The following EPHB2 variants were observed in gnomAD, a reference collection of about 807,000 sequenced individuals.
EPHB2 encodes the protein ephrin type-B receptor 2.
EPHB2 carries 18 observed loss-of-function variants against 96.4 expected under a neutral mutation model. The observed-to-expected ratio is 0.19, with a 90% CI of 0.13 to 0.28. The LOEUF is 0.28. Ranked by LOEUF, EPHB2 falls within the 10% of genes least tolerant of loss-of-function variation. The pLI is 1.00. For synonymous variants in EPHB2, 506 were observed against 534.1 expected, an observed-to-expected ratio of 0.95 and a Z score of 0.72; for missense variants, 989 against 1,355.4, an observed-to-expected ratio of 0.73 and a Z score of 4.25.
At chr1:22,720,665 C>CCCCCG (rs1553157979) in intron 1 of EPHB2, among the ~76,000 whole-genome samples, 1 of 102,102 alleles carries the variant, frequency 9.8e-6, no homozygotes, top group East Asian at 4.5e-4. Flanking sequence ...CTCATTCCCC[C>CCCCCG]CCCCCCCCGC....
At chr1:22,869,536 C>T (rs1638590203) in intron 5 of EPHB2, among the ~76,000 whole-genome samples, 2 of 151,832 alleles carry the variant, frequency 1.3e-5, no homozygotes, top group African/African-American at 2.4e-5. Context: ...GGCATTTGAG[C>T]TTGACTTTGA....
rs1169838192 is a variant in EPHB2, at chr1:22,860,426, T to C, written c.812-2611T>C. On this transcript the variant is annotated intron_variant, in intron 3 of 15. Transcript: ENST00000374630. This position sits in a 1 kb window ranked among gnomAD's most constrained non-coding sequence, Gnocchi z 4.6. ...TGCCATAGATACAGAAATGATACAG[T>C]GCCCGGTGGTGGGGGTCGAACCTGG... Among the ~76,000 whole-genome samples, 1 of 151,912 alleles carries C rather than the reference T, an allele frequency of 6.6e-6. No individual in the cohort carries two copies. Among genetic ancestry groups the C allele is most frequent in the Non-Finnish European group, 1.5e-5 (1 of 67,978 alleles).
intron 1 of EPHB2, among the ~76,000 whole-genome samples, chr1:22,754,572 T>A (rs868046969): frequency 6.6e-6 from 1 of 151,100 alleles, no homozygotes; most frequent in African/African-American, 2.4e-5. Context: ...GCGCGAGGTG[T>A]GCAGTGGAGC....
intron 9 of EPHB2, among the ~76,000 whole-genome samples, chr1:22,898,519 A>G (rs777274437): frequency 6.6e-6 from 1 of 152,226 alleles, no homozygotes; most frequent in South Asian, 2.1e-4. Context: ...AGGGAGTCCA[A>G]CGTGCAGATG....
intron 3 of EPHB2, among the ~76,000 whole-genome samples, chr1:22,831,863 T>C (rs187333727): frequency 7.4e-4 from 113 of 152,216 alleles, no homozygotes; most frequent in African/African-American, 2.2e-3. Flanking sequence ...CTGACCATCA[T>C]GGGTTCCAGA....
At chr1:22,826,829 A>G (rs1645231635) in intron 3 of EPHB2, among the ~76,000 whole-genome samples, 1 of 152,114 alleles carries the variant, frequency 6.6e-6, no homozygotes, top group African/African-American at 2.4e-5. Flanking sequence ...TGCCTCCCCC[A>G]GGACAGCAAG....
At chr1:22,820,992 ATTGGAG>A (rs1645144916) in intron 3 of EPHB2, among the ~76,000 whole-genome samples, 1 of 152,206 alleles carries the variant, frequency 6.6e-6, no homozygotes, top group African/African-American at 2.4e-5. Context: ...CTTAAACAAG[ATTGGAG>A]TTTATTCTTC....
intron 3 of EPHB2, among the ~76,000 whole-genome samples, chr1:22,820,519 CG>C (rs1557694763): frequency 6.6e-6 from 1 of 151,526 alleles, no homozygotes; most frequent in Non-Finnish European, 1.5e-5. Flanking sequence ...AAAAATTAGC[CG>C]GGTGTGGTGG....
intron 1 of EPHB2, among the ~76,000 whole-genome samples, chr1:22,754,531 A>T (rs529490203): frequency 2.0e-5 from 3 of 151,794 alleles, no homozygotes; most frequent in African/African-American, 7.2e-5. Context: ...TCAGGGGACC[A>T]GAGAGGGGCC....
intron 7 of EPHB2, among the ~76,000 whole-genome samples, chr1:22,893,322 C>A (rs760102972): frequency 6.6e-6 from 1 of 152,214 alleles, no homozygotes; most frequent in Non-Finnish European, 1.5e-5. Flanking sequence ...GTCATGCATT[C>A]CTTGGTCCAA....
intron 1 of EPHB2, among the ~76,000 whole-genome samples, chr1:22,766,792 T>C (rs561799039): frequency 6.6e-6 from 1 of 152,348 alleles, no homozygotes; most frequent in South Asian, 2.1e-4. Flanking sequence ...TTTCTGAGCC[T>C]GCTCCCAGCA....
chr1:22,851,087 C>G (rs1239239344), intron 3 of EPHB2, among the ~76,000 whole-genome samples: 1 of 152,206 alleles, frequency 6.6e-6, no homozygotes, highest in Non-Finnish European at 1.5e-5. Context: ...CTGAACCTCC[C>G]AGGCTCAAGA....
rs147147271 is a variant in EPHB2 at position 22,865,043 on chromosome 1, T to C, written c.1134T>C (p.Asn378=). 2 of 1,614,072 alleles carry C rather than the reference T, an allele frequency of 1.2e-6. No individual in the cohort carries two copies. The highest frequency in any genetic ancestry group is 1.7e-6 in the Non-Finnish European group (2 of 1,179,992). The change falls in exon 5 of 16, where the codon AAT becomes AAC. Residue 378 remains asparagine, a synonymous_variant. Transcript: ENST00000374630. ...GRGACTRCGD[N]VQYAPRQLGL... is the part of the protein sequence containing the mutation. Reference sequence around the variant, plus strand: ...GTGCCTGCACCCGCTGCGGGGACAATGTACAGTACGCACCACGCCAGCTAG... The same window carrying C: ...GTGCCTGCACCCGCTGCGGGGACAACGTACAGTACGCACCACGCCAGCTAG...
intron 3 of EPHB2, among the ~76,000 whole-genome samples, chr1:22,809,457 AT>A (rs1472714857): frequency 1.3e-5 from 2 of 152,326 alleles, no homozygotes; most frequent in East Asian, 3.9e-4. Context: ...ATTCATCCTT[AT>A]TAGTATCTGA....
intron 12 of EPHB2, 75 bp from the exon 13 acceptor site, chr1:22,908,947 A>C: frequency 6.3e-7 from 1 of 1,593,324 alleles, no homozygotes; most frequent in Non-Finnish European, 8.6e-7. Flanking sequence ...CACAGGGCAC[A>C]GGGTGGGAGG....
At chr1:22,765,913 C>T (rs527867210) in intron 1 of EPHB2, among the ~76,000 whole-genome samples, 40 of 152,268 alleles carry the variant, frequency 2.6e-4, no homozygotes, top group African/African-American at 8.9e-4. Context: ...AAGCCAGGTA[C>T]AGGAAGAGGG....
chr1:22,905,846 A>G, intron 9 of EPHB2, 141 bp from the exon 10 acceptor site: 3 of 1,319,988 alleles, frequency 2.3e-6, no homozygotes, highest in Non-Finnish European at 3.2e-6. Context: ...AGAGAGGTCA[A>G]GTGACCTGCA....
chr1:22,897,206 G>A (rs1010035159), intron 9 of EPHB2, among the ~76,000 whole-genome samples: 10 of 152,346 alleles, frequency 6.6e-5, no homozygotes, highest in African/African-American at 2.4e-4. Flanking sequence ...GGGCCAGAGA[G>A]AAAAGTAGAT....
rs1557756211 is a variant in EPHB2 at position 22,914,063 on chromosome 1, C to T, written c.*493C>T. 1.1e-5 allele frequency: 8 copies of T among 698,582 alleles called. No individual in the cohort carries two copies. The highest frequency in any genetic ancestry group is 1.1e-5 in the Non-Finnish European group (5 of 440,390). The allele number at this position is 698,582 out of a possible 1,614,324, so 43.3% of individuals were successfully genotyped here. A position where few individuals can be genotyped will look rare whatever the true frequency, so the allele number is the denominator to read the frequency against. ...CTAGGCCTCACTCAACAACCAAGCG[C>T]CTGGAGGACGGGACAGATGGACAGA... On this transcript the variant is annotated 3_prime_UTR_variant, in exon 16 of 16. Coordinates refer to ENST00000374630, the MANE Select transcript of EPHB2 (RefSeq NM_017449.5).
Sources: allele counts gnomAD v4.1 joint callset (sites outside exome capture counted in the v4.1 genomes callset), GRCh38; gene constraint gnomAD v4.1.1; non-coding constraint Gnocchi (gnomAD v3.1); transcripts MANE v1.5; gene names NCBI Gene and HGNC (gene_info 2026-07-23, HGNC 2026-07-21).